The following ISM1 variants were observed in gnomAD, a reference collection of about 807,000 sequenced individuals.
ISM1 encodes the protein isthmin 1.
ISM1 carries 25 observed loss-of-function variants against 46.3 expected under a neutral mutation model. The ratio of observed to expected loss-of-function variants is 0.54; its 90% CI spans 0.39 to 0.75. The LOEUF is 0.75. Among genes scored for constraint, ISM1 ranks in the 30% least tolerant of loss-of-function variants. The probability of loss-of-function intolerance (pLI) is 0.00; values close to 1 mark genes in which losing one functional copy is unlikely to be tolerated. For missense variants in ISM1, 536 were observed against 625.4 expected (o/e 0.86, Z 1.52); for synonymous variants, 255 against 256.7 (o/e 0.99, Z 0.06).
intron 3 of ISM1, among the ~76,000 whole-genome samples, chr20:13,284,423 T>C (rs2040269573): frequency 6.6e-6 from 1 of 152,234 alleles, no homozygotes; most frequent in Non-Finnish European, 1.5e-5. Context: ...CAAAGCACCA[T>C]ATAGATGCTC....
chr20:13,298,020 T>A (rs1462884488), intron 5 of ISM1, among the ~76,000 whole-genome samples: 1 of 152,228 alleles, frequency 6.6e-6, no homozygotes, highest in Non-Finnish European at 1.5e-5. Context: ...AAATCAAAAC[T>A]GAGTCCTATA....
Position 13,279,593 on chromosome 20 carries a change from G to A in ISM1, c.379-41G>A, listed in dbSNP as rs1452992638. 3.2e-6 allele frequency: 5 copies of A among 1,579,392 alleles called. No homozygotes were observed. The South Asian group carries it at 3.4e-5, about 11-fold the overall frequency. ...CCAAGGGTCATGTAGCTTGGAGGCTGTTGACTCCACACTGACCCCAGCCTG... is the reference window on the plus strand; with the variant it reads ...CCAAGGGTCATGTAGCTTGGAGGCTATTGACTCCACACTGACCCCAGCCTG... On this transcript the variant is annotated intron_variant, in intron 2 of 5. Transcript: ENST00000262487.
At chr20:13,326,613 A>T in the ISM1 span, among the ~76,000 whole-genome samples, 1 of 152,112 alleles carries the variant, frequency 6.6e-6, no homozygotes, top group Non-Finnish European at 1.5e-5. Flanking sequence ...GCGTTTCATG[A>T]TGTTGAGCAT....
chr20:13,244,118 T>C lies in ISM1; in HGVS notation c.138+22204T>C, dbSNP rs2039765000. The C allele has an allele frequency of 2.0e-5, 3 of 152,222 alleles. No individual in the cohort carries two copies. The South Asian group carries it at 6.2e-4, about 31-fold the overall frequency. The allele number at this position is 152,222 out of a possible 1,614,324, so 9.4% of individuals were successfully genotyped here. ...GACAAATCCAAACAAGGTACTTTGC[T>C]ATCCTCTCTTTTGTTCACAGACAGA... On this transcript the variant is annotated intron_variant, in intron 1 of 5. Coordinates refer to ENST00000262487, the MANE Select transcript of ISM1 (RefSeq NM_080826.2).
intron 1 of ISM1, among the ~76,000 whole-genome samples, chr20:13,240,374 A>G (rs916955929): frequency 3.3e-5 from 5 of 152,198 alleles, no homozygotes; most frequent in African/African-American, 1.2e-4. Context: ...TCAAGGAAGG[A>G]CTTGATGGAA....
In ISM1 at chr20:13,225,003, G is replaced by A. The variant is rs369917901; in HGVS notation, c.138+3089G>A. 3.8e-3 allele frequency among the ~76,000 whole-genome samples: 557 copies of A among 145,972 alleles called. 2 individuals carry two copies. The highest frequency in any genetic ancestry group is 6.6e-3 in the Non-Finnish European group (437 of 66,348). ...TGGGACTACAGGCGCCTGCCACCAC[G>A]CCCGGCTAATTTTTTTTTTTTTTGT... On this transcript the variant is annotated intron_variant, in intron 1 of 5. Transcript: ENST00000262487.
At chr20:13,276,389 G>A (rs1308163711) in intron 2 of ISM1, among the ~76,000 whole-genome samples, 3 of 151,902 alleles carry the variant, frequency 2.0e-5, no homozygotes, top group African/African-American at 7.2e-5. Flanking sequence ...TCTAGTCAAT[G>A]TATTAATTTT....
intron 2 of ISM1, among the ~76,000 whole-genome samples, chr20:13,275,362 T>C (rs2040166889): frequency 1.3e-5 from 2 of 152,200 alleles, no homozygotes; most frequent in Non-Finnish European, 2.9e-5. Context: ...TTCTCTAAAA[T>C]ACTTTTAGAG....
the ISM1 span, among the ~76,000 whole-genome samples, chr20:13,307,399 A>G: frequency 0.027 from 4,177 of 152,334 alleles, 56 homozygotes; most frequent in Non-Finnish European, 0.031. Context: ...TACCAACACC[A>G]AGAAAAAACA....
At position 13,276,940 on chromosome 20, in the gene ISM1, G is replaced by A. The variant is rs140936365; in HGVS notation, c.379-2694G>A. ...CTTTGTTAACTGTAGGGAAGGGTGC[G>A]GTGGATCCTAAGATTTGTTGTTTTG... On this transcript the variant is annotated intron_variant, in intron 2 of 5. Coordinates refer to ENST00000262487, the MANE Select transcript of ISM1 (RefSeq NM_080826.2). 1.2e-4 allele frequency among the ~76,000 whole-genome samples: 18 copies of A among 152,206 alleles called. No individual in the cohort carries two copies. In the East Asian group the frequency reaches 2.3e-3, roughly 20 times the overall value.
At chr20:13,285,224 A>G (rs2040278696) in intron 3 of ISM1, among the ~76,000 whole-genome samples, 1 of 152,152 alleles carries the variant, frequency 6.6e-6, no homozygotes, top group South Asian at 2.1e-4. Context: ...CCAGGAATTC[A>G]GGGCTGCAAT....
chr20:13,277,446 G>A (rs1479715091), intron 2 of ISM1, among the ~76,000 whole-genome samples: 7 of 152,080 alleles, frequency 4.6e-5, no homozygotes, highest in Non-Finnish European at 4.4e-5. Context: ...GAAAGGTTAT[G>A]TCTCCAAAGG....
At chr20:13,321,253 TAA>T in the ISM1 span, among the ~76,000 whole-genome samples, 634 of 57,528 alleles carry the variant, frequency 0.011, 4 homozygotes, top group East Asian at 0.037. Context: ...GTGCCCCACA[TAA>T]AAAAAAAAAA....
chr20:13,293,586 T>C (rs1379079223), intron 5 of ISM1, among the ~76,000 whole-genome samples: 1 of 151,692 alleles, frequency 6.6e-6, no homozygotes, highest in African/African-American at 2.4e-5. Context: ...GGTCAGGTAA[T>C]GGGGTCAGGT....
At position 13,290,476 on chromosome 20, in the gene ISM1, C is replaced by T. The variant is rs113712313; in HGVS notation, c.787+1793C>T. The stretch of plus-strand genomic sequence containing the variant: ...CATCCTGGCTAACACGGTGAAATGC[C>T]GTCTCTACTAAAAATACAAAATATT... On this transcript the variant is annotated intron_variant, in intron 4 of 5. Transcript: ENST00000262487. Among the ~76,000 whole-genome samples the T allele has an allele frequency of 5.7e-3, 868 of 152,130 alleles. 9 individuals are homozygous for T. Among genetic ancestry groups the T allele is most frequent in the African/African-American group, 0.02 (825 of 41,488 alleles).
chr20:13,308,578 C>T, the ISM1 span, among the ~76,000 whole-genome samples: 32,661 of 151,914 alleles, frequency 0.21, 3,762 homozygotes, highest in East Asian at 0.28. Context: ...AAATTGTCCA[C>T]CAACAGAGGA....
intron 1 of ISM1, among the ~76,000 whole-genome samples, chr20:13,242,112 G>A (rs1237413501): frequency 6.6e-6 from 1 of 152,172 alleles, no homozygotes; most frequent in Non-Finnish European, 1.5e-5. Flanking sequence ...TATGTAGAAG[G>A]TTTACTGACA....
At chr20:13,257,022 AT>A (rs1349736884) in intron 1 of ISM1, among the ~76,000 whole-genome samples, 7 of 152,216 alleles carry the variant, frequency 4.6e-5, no homozygotes, top group African/African-American at 1.7e-4. Context: ...GAAAAGTCTA[AT>A]GAGAGAAGAG....
chr20:13,222,993 T>C lies in ISM1; in HGVS notation c.138+1079T>C, dbSNP rs561813755. Among the ~76,000 whole-genome samples, 244 of 151,952 alleles carry C rather than the reference T, an allele frequency of 1.6e-3. 1 individual carries two copies. The highest frequency in any genetic ancestry group is 5.7e-3 in the African/African-American group (237 of 41,440). On this transcript the variant is annotated intron_variant, in intron 1 of 5. Coordinates refer to ENST00000262487, the MANE Select transcript of ISM1 (RefSeq NM_080826.2). ...TCCTGGCCGACATGGTGAAACCCCG[T>C]CTCTACTAAAAATACAAAAATTAGC...
Sources: allele counts gnomAD v4.1 joint callset (sites outside exome capture counted in the v4.1 genomes callset), GRCh38; gene constraint gnomAD v4.1.1; transcripts MANE v1.5; gene names NCBI Gene and HGNC (gene_info 2026-07-23, HGNC 2026-07-21).